Variants in GMFG observed in about 807,000 individuals in gnomAD.
GMFG encodes glia maturation factor gamma.
A neutral mutation model predicts 26.1 loss-of-function variants in GMFG; 21 were observed. That is an observed-to-expected ratio of 0.80 (90% CI 0.57 to 1.16). GMFG has a LOEUF of 1.16. Among genes scored for constraint, GMFG ranks in the 50% most tolerant of loss-of-function variants. The probability of loss-of-function intolerance (pLI) is 0.00; values close to 1 mark genes in which losing one functional copy is unlikely to be tolerated. For synonymous variants in GMFG, 65 were observed against 60.8 expected, an observed-to-expected ratio of 1.07 and a Z score of -0.32; for missense variants, 161 against 178.3, an observed-to-expected ratio of 0.90 and a Z score of 0.55.
chr19:39,335,587 C>T (rs950400921), intron 1 of GMFG, 56 bp from the exon 2 acceptor site: 1 of 1,151,840 alleles, frequency 8.7e-7, no homozygotes, highest in African/African-American at 1.5e-5. Flanking sequence ...CTCACCCCTT[C>T]CCCAAACCTG....
rs549473273 is a variant in GMFG at position 39,333,909 on chromosome 19, G to A, written c.151-783C>T. Among the ~76,000 whole-genome samples, 5 of 151,252 alleles carry A rather than the reference G, an allele frequency of 3.3e-5. 1 individual carries two copies. The South Asian group carries it at 1.0e-3, about 32-fold the overall frequency. On this transcript the variant is annotated intron_variant, in intron 3 of 6. Coordinates refer to ENST00000597595, the MANE Select transcript of GMFG (RefSeq NM_004877.4). ...ATGGATTCCCTTATAAATCCTTATC[G>A]CAACACTAGAGAAATAAGCCTTATT...
intron 3 of GMFG, among the ~76,000 whole-genome samples, chr19:39,334,149 T>C (rs2075239173): frequency 6.6e-6 from 1 of 151,500 alleles, no homozygotes; most frequent in African/African-American, 2.4e-5. Flanking sequence ...CCCGAGTAGC[T>C]GGGACTACAG....
At chr19:39,329,462 C>T (rs551849740) in intron 5 of GMFG, 82 bp downstream of exon 5, 3 of 805,100 alleles carry the variant, frequency 3.7e-6, no homozygotes, top group South Asian at 2.9e-5. Context: ...ACACAAGTGC[C>T]TGCACACATT....
intron 3 of GMFG, among the ~76,000 whole-genome samples, chr19:39,333,891 C>G (rs960441907): frequency 2.0e-5 from 3 of 152,026 alleles, no homozygotes; most frequent in Non-Finnish European, 4.4e-5. Context: ...TCCATGGATT[C>G]CCTTATAAAT....
chr19:39,333,198 A>T lies in GMFG; in HGVS notation c.151-72T>A, dbSNP rs193149106. 1.0e-3 allele frequency: 876 copies of T among 846,698 alleles called. 9 individuals are homozygous for T. In the Admixed American group the frequency reaches 0.02, roughly 19 times the overall value. 52.4% of individuals were successfully genotyped at this position (846,698 alleles called of 1,614,324 possible). A position where few individuals can be genotyped will look rare whatever the true frequency, so the allele number is the denominator to read the frequency against. On this transcript the variant is annotated intron_variant, in intron 3 of 6. Transcript: ENST00000597595. ...AGTGGCTCACACCTGTAATCCCAGC[A>T]CTTTGGGAGGCCGAGGCAGGCGGAT... is the stretch of plus-strand genomic sequence containing the variant.
chr19:39,332,725 C>A (rs2075231931), intron 4 of GMFG, among the ~76,000 whole-genome samples: 1 of 129,920 alleles, frequency 7.7e-6, no homozygotes, highest in African/African-American at 3.0e-5. Context: ...GTGGTGTGAT[C>A]TCAGCTCACT....
At chr19:39,331,608 T>TAA (rs1470397858) in intron 4 of GMFG, among the ~76,000 whole-genome samples, 1 of 152,116 alleles carries the variant, frequency 6.6e-6, no homozygotes, top group East Asian at 1.9e-4. Context: ...ACCTGATAGT[T>TAA]AAAAGTCGAG....
chr19:39,332,071 G>A (rs902821398), intron 4 of GMFG, among the ~76,000 whole-genome samples: 15 of 151,512 alleles, frequency 9.9e-5, no homozygotes, highest in Non-Finnish European at 1.8e-4. Flanking sequence ...CACCAGGCGC[G>A]GTGGCTCACG....
At chr19:39,334,267 C>T (rs1165557657) in intron 3 of GMFG, among the ~76,000 whole-genome samples, 2 of 152,236 alleles carry the variant, frequency 1.3e-5, no homozygotes, top group South Asian at 2.1e-4. Context: ...CCGCCCGCCT[C>T]AGCCTCCCAA....
chr19:39,328,510 G>A lies in GMFG; in HGVS notation c.396C>T (p.Ala132=), dbSNP rs145410023. The change falls in exon 7 of 7, where the codon GCC becomes GCT. Residue 132 remains alanine, a synonymous_variant. Coordinates refer to ENST00000597595, the MANE Select transcript of GMFG (RefSeq NM_004877.4). The stretch of plus-strand genomic sequence containing the variant: ...AGAAAGACAACTTTTCTTGGAGCCA[G>A]GCCTCAGTGAGGTCATCAGTGGTGC... ...EIRTTDDLTE[A]WLQEKLSFFR 279 of 1,613,274 alleles carry A rather than the reference G, an allele frequency of 1.7e-4. 1 individual carries two copies. Among genetic ancestry groups the A allele is most frequent in the Middle Eastern group, 4.9e-4 (3 of 6,082 alleles).
chr19:39,329,276 C>T (rs1450286686), intron 5 of GMFG, among the ~76,000 whole-genome samples: 1 of 152,118 alleles, frequency 6.6e-6, no homozygotes, highest in Non-Finnish European at 1.5e-5. Flanking sequence ...AGGGGCCAGA[C>T]GGGGATTTCT....
chr19:39,331,027 T>G (rs539833347), intron 4 of GMFG, among the ~76,000 whole-genome samples: 2 of 152,216 alleles, frequency 1.3e-5, no homozygotes, highest in Non-Finnish European at 1.5e-5. Context: ...TGTGAGCCAC[T>G]GCGCTCAGCC....
intron 4 of GMFG, 61 bp downstream of exon 4, chr19:39,333,016 A>G: frequency 1.8e-6 from 2 of 1,140,252 alleles, no homozygotes; most frequent in Non-Finnish European, 2.6e-6. Context: ...CCCTTAGCCT[A>G]TACCTCCAAC....
chr19:39,329,916 T>C (rs2075219789), intron 4 of GMFG, among the ~76,000 whole-genome samples: 2 of 152,044 alleles, frequency 1.3e-5, no homozygotes, highest in Non-Finnish European at 2.9e-5. Flanking sequence ...TCGTCTCTAC[T>C]AAAAATACAA....
rs1185161376 is a variant in GMFG, at chr19:39,335,606, T to C, written c.4-75A>G. On this transcript the variant is annotated intron_variant, in intron 1 of 6. Transcript: ENST00000597595. ...CCCCTTCCCCAAACCTGTTTCTCCA[T>C]CCACTAATGAAGAGGAGCATCGCGC... 24 of 993,924 alleles carry C rather than the reference T, an allele frequency of 2.4e-5. No homozygotes were observed. In the East Asian group the frequency reaches 5.5e-4, roughly 23 times the overall value. 61.6% of individuals were successfully genotyped at this position (993,924 alleles called of 1,614,324 possible).
Position 39,329,600 on chromosome 19 carries a change from A to T in GMFG, c.227T>A (p.Val76Glu), listed in dbSNP as rs770900962. The T allele has an allele frequency of 6.2e-7, 1 of 1,611,188 alleles. No individual in the cohort carries two copies. Among genetic ancestry groups the T allele is most frequent in the South Asian group, 1.1e-5 (1 of 91,012 alleles). The change falls in exon 5 of 7, where the codon GTG becomes GAG. Residue 76 changes from valine to glutamate, a missense_variant. Val to Glu is a moderately radical substitution (Grantham distance 121, BLOSUM62 -2). Transcript: ENST00000597595. ...PRFVVYSYKYVHDDGRVSYPL... is the reference protein window; with the variant it reads ...PRFVVYSYKYEHDDGRVSYPL... ...GTAGGACACTCGGCCATCGTCATGC[A>T]CGTACTTGTAGCTGTAAACCACGAA...
chr19:39,335,925 A>AG, intron 1 of GMFG, 49 bp downstream of exon 1: 1 of 1,215,556 alleles, frequency 8.2e-7, no homozygotes, highest in Non-Finnish European at 1.2e-6. Flanking sequence ...TCCAAGCCCC[A>AG]GCCCCAACCC....
chr19:39,330,675 C>T (rs927234366), intron 4 of GMFG, among the ~76,000 whole-genome samples: 9 of 151,120 alleles, frequency 6.0e-5, no homozygotes, highest in African/African-American at 2.2e-4. Context: ...CAGCTCATTG[C>T]AGCCTCGACC....
chr19:39,335,387 C>G (rs2075244990), intron 2 of GMFG, 48 bp downstream of exon 2: 2 of 1,579,764 alleles, frequency 1.3e-6, no homozygotes, highest in African/African-American at 2.7e-5. Flanking sequence ...TCCCTATCTG[C>G]CCTCACCACC....
Sources: allele counts gnomAD v4.1 joint callset (sites outside exome capture counted in the v4.1 genomes callset), GRCh38; gene constraint gnomAD v4.1.1; transcripts MANE v1.5; gene names NCBI Gene and HGNC (gene_info 2026-07-23, HGNC 2026-07-21).